SPACA6: variants seen among roughly 807,000 people sequenced by gnomAD.
SPACA6 encodes sperm acrosome associated 6, also known as sperm acrosome membrane-associated protein 6.
For missense variants in SPACA6, 8 were observed against 2.8 expected (o/e 2.88, Z -1.34); for synonymous variants, 6 against 1.5 (o/e 4.05, Z -2.21).
intron 2 of SPACA6, among the ~76,000 whole-genome samples, chr19:51,711,537 A>G (rs2083541343): frequency 6.6e-6 from 1 of 152,248 alleles, no homozygotes; most frequent in African/African-American, 2.4e-5. Flanking sequence ...TCAATTTCTA[A>G]GTATATACCC....
upstream of SPACA6, chr19:51,692,698 G>A (rs996509266): frequency 1.9e-5 from 10 of 533,408 alleles, no homozygotes; most frequent in African/African-American, 9.6e-5. The surrounding 1 kb of genome is among the most constrained non-coding windows in gnomAD (Gnocchi z 5.6). Context: ...TCACCATCGC[G>A]GCTGGGGCCT....
chr19:51,709,827 T>C (rs2083534027), downstream of SPACA6, among the ~76,000 whole-genome samples: 1 of 152,160 alleles, frequency 6.6e-6, no homozygotes. Flanking sequence ...GCAGTGGCTC[T>C]AGATATGTCT....
At chr19:51,695,479 G>A (rs950903918) in intron 2 of SPACA6, among the ~76,000 whole-genome samples, 5 of 152,190 alleles carry the variant, frequency 3.3e-5, no homozygotes, top group Non-Finnish European at 7.3e-5. Context: ...TTTGCTTCCT[G>A]CTTTGCCCTC....
chr19:51,706,022 G>T (rs557340436), downstream of SPACA6, among the ~76,000 whole-genome samples: 1 of 152,146 alleles, frequency 6.6e-6, no homozygotes, highest in Non-Finnish European at 1.5e-5. Context: ...AAGTGTGTCA[G>T]ATTGGGTTAC....
chr19:51,712,273 C>T (rs2083545280), exon 3 of SPACA6: 1 of 152,212 alleles, frequency 6.6e-6, no homozygotes, highest in South Asian at 2.1e-4. Flanking sequence ...CCTCGGCCTC[C>T]CAAAGTGCTG....
At chr19:51,699,123 C>G (rs978579003) in intron 2 of SPACA6, among the ~76,000 whole-genome samples, 2 of 152,190 alleles carry the variant, frequency 1.3e-5, no homozygotes, top group Non-Finnish European at 2.9e-5. Flanking sequence ...CATCCTCCCA[C>G]TTCAGCTTCC....
chr19:51,684,779 C>T (rs147649961), upstream of SPACA6, among the ~76,000 whole-genome samples: 795 of 152,318 alleles, frequency 5.2e-3, 5 homozygotes, highest in African/African-American at 0.018. Context: ...TGTTGGGCCA[C>T]ATTCAAAGCC....
upstream of SPACA6, chr19:51,685,749 T>A (rs2083325429): frequency 6.6e-6 from 1 of 152,232 alleles, no homozygotes; most frequent in African/African-American, 2.4e-5. Context: ...ATTCCTGGGC[T>A]CAAGTGATCC....
chr19:51,697,703 C>G (rs779129532), intron 2 of SPACA6, among the ~76,000 whole-genome samples: 3 of 152,102 alleles, frequency 2.0e-5, no homozygotes, highest in African/African-American at 7.2e-5. Flanking sequence ...GGCTGACTGC[C>G]TCTTGGTGAT....
At chr19:51,694,244 A>C in intron 1 of SPACA6, 1 of 374,066 alleles carries the variant, frequency 2.7e-6, no homozygotes, top group Admixed American at 4.6e-5. Flanking sequence ...AGAGGAGGAC[A>C]GAGATGAGGC....
chr19:51,691,735 G>C (rs1220134555), upstream of SPACA6, among the ~76,000 whole-genome samples: 3 of 149,886 alleles, frequency 2.0e-5, no homozygotes, highest in African/African-American at 7.3e-5. Flanking sequence ...CAGGGGCAGC[G>C]AGAACCAGAC....
At chr19:51,691,743 G>A (rs569407418), upstream of SPACA6, among the ~76,000 whole-genome samples, 1 of 145,942 alleles carries the variant, frequency 6.9e-6, no homozygotes, top group African/African-American at 2.5e-5. Flanking sequence ...GCGAGAACCA[G>A]ACAGTCCAGG....
At chr19:51,690,951 C>G (rs1600130610), upstream of SPACA6, among the ~76,000 whole-genome samples, 1 of 151,962 alleles carries the variant, frequency 6.6e-6, no homozygotes, top group South Asian at 2.1e-4. Flanking sequence ...CCCTTCCTCC[C>G]CACCTTGGCC....
chr19:51,694,980 C>G (rs2083416291), intron 2 of SPACA6, among the ~76,000 whole-genome samples: 2 of 152,072 alleles, frequency 1.3e-5, no homozygotes, highest in Admixed American at 1.3e-4. Context: ...TTGGGGCTGC[C>G]TGATGAGCCT....
chr19:51,700,011 T>G (rs559812802), intron 2 of SPACA6, among the ~76,000 whole-genome samples: 33 of 152,148 alleles, frequency 2.2e-4, no homozygotes, highest in Admixed American at 6.5e-4. Flanking sequence ...CCCAGCACTT[T>G]GGGAGGCCGA....
At chr19:51,712,090 A>C (rs7252595) in exon 3 of SPACA6, 81,500 of 152,142 alleles carry the variant, frequency 0.54, 22,120 homozygotes, top group East Asian at 0.8. Flanking sequence ...CAGCTCACTG[A>C]AACCTCTGCC....
chr19:51,690,337 T>A (rs2083359091), upstream of SPACA6, among the ~76,000 whole-genome samples: 1 of 151,728 alleles, frequency 6.6e-6, no homozygotes. Context: ...CCTCAGCCCC[T>A]CTTCCCAAGG....
Position 51,694,532 on chromosome 19 carries a change from T to G in SPACA6, c.269T>G (p.Leu90Arg). ...HDTFTQMTHA[L>R]QELAAAQGSF... is the part of the protein sequence containing the mutation. ...ACCTTCACCCAGATGACCCATGCCC[T>G]GCAGGAGCTGGCTGCTGCCCAGGGT... Residue 90 changes from leucine (L) to arginine (R), a missense_variant, in exon 2 of 9, where the codon CTG (leucine) becomes CGG (arginine). Leu to Arg is a moderately radical substitution (Grantham distance 102). Coordinates refer to ENST00000637797, the MANE Select transcript of SPACA6 (RefSeq NM_001316972.2). 2.5e-6 allele frequency: 1 copy of G among 399,556 alleles called. No homozygotes were observed. Among genetic ancestry groups the G allele is most frequent in the Admixed American group, 4.4e-5 (1 of 22,746 alleles). The allele number at this position is 399,556 out of a possible 1,614,324, so 24.8% of individuals were successfully genotyped here.
chr19:51,694,076 C>CCG, intron 1 of SPACA6: 1 of 251,646 alleles, frequency 4.0e-6, no homozygotes, highest in Non-Finnish European at 7.4e-6. Flanking sequence ...GATGGACACT[C>CCG]GGGAGGATGG....
Sources: gnomAD v4.1 joint callset for allele counts (sites outside exome capture counted in the v4.1 genomes callset) on GRCh38, gnomAD v4.1.1 for gene constraint, Gnocchi (gnomAD v3.1) non-coding constraint, MANE v1.5 for transcripts, NCBI Gene and HGNC (gene_info 2026-07-23, HGNC 2026-07-21) for gene names.